ATP8B1: variants seen among roughly 807,000 people sequenced by gnomAD.
The protein encoded by ATP8B1 is phospholipid-transporting ATPase IC.
Under a neutral mutation model 149.9 loss-of-function variants are expected in ATP8B1, and 80 were observed. That is an observed-to-expected ratio of 0.53 (90% CI 0.45 to 0.64). The LOEUF (loss-of-function observed/expected upper bound fraction) is 0.64, where lower values mean the gene tolerates loss of function less well. Ranked by LOEUF, ATP8B1 falls within the 30% of genes least tolerant of loss-of-function variation. ATP8B1 has a pLI of 0.00. For synonymous variants in ATP8B1, 536 were observed against 562.8 expected (o/e 0.95, Z 0.67); for missense variants, 1,247 against 1,552.6 (o/e 0.80, Z 3.31).
intron 1 of ATP8B1, among the ~76,000 whole-genome samples, chr18:57,782,803 CTT>C (rs79009229): frequency 5.5e-5 from 5 of 91,178 alleles, no homozygotes; most frequent in East Asian, 6.2e-4. Flanking sequence ...TAGTTTGTCT[CTT>C]TTTTTTTTTT....
rs1339413480 is a variant in ATP8B1 at position 57,648,681 on chromosome 18, T to TCCG, written c.3560_3562dup (p.Ala1187dup). On this transcript the variant is annotated inframe_insertion, in exon 28 of 28. Transcript: ENST00000648908. ...CTGCTGCCGTCGCTGCCACTGCTCC[T>TCCG]CCGCCTTCAACCGCTTGCGATGCTT... 1.9e-6 allele frequency: 3 copies of TCCG among 1,565,078 alleles called. No individual in the cohort carries two copies. Among genetic ancestry groups the TCCG allele is most frequent in the Non-Finnish European group, 2.6e-6 (3 of 1,155,844 alleles).
Position 57,737,742 on chromosome 18 carries a change from C to A in ATP8B1, c.-25-5910G>T, listed in dbSNP as rs541014524. 6 of 152,270 alleles carry A rather than the reference C, an allele frequency of 3.9e-5. No individual in the cohort carries two copies. The South Asian group carries it at 1.2e-3, about 32-fold the overall frequency. The allele number at this position is 152,270 out of a possible 1,614,324, so 9.4% of individuals were successfully genotyped here. On this transcript the variant is annotated intron_variant, in intron 1 of 27. Transcript: ENST00000648908. ...ACATTTTGTAAGTTATCCTTTTCAT[C>A]ATTGCTTCCAAACTGCCAGGCATCT...
chr18:57,792,168 A>G (rs1375945545), intron 1 of ATP8B1, among the ~76,000 whole-genome samples: 1 of 152,148 alleles, frequency 6.6e-6, no homozygotes, highest in East Asian at 1.9e-4. Context: ...ATGTCAGTCT[A>G]TTTGCAACTA....
At chr18:57,724,145 C>G (rs1340179024) in intron 2 of ATP8B1, among the ~76,000 whole-genome samples, 1 of 150,110 alleles carries the variant, frequency 6.7e-6, no homozygotes, top group African/African-American at 2.5e-5. Context: ...ACCATAAAAA[C>G]CCTAGAAGAA....
chr18:57,762,359 G>A (rs1202007488), intron 1 of ATP8B1, among the ~76,000 whole-genome samples: 2 of 151,940 alleles, frequency 1.3e-5, no homozygotes, highest in Non-Finnish European at 2.9e-5. Flanking sequence ...GGCTGGTCTT[G>A]AACTCCTGAC....
Position 57,761,066 on chromosome 18 carries a change from TA to T in ATP8B1, c.-25-29235del, listed in dbSNP as rs1472849107. On this transcript the variant is annotated intron_variant, in intron 1 of 27. Coordinates refer to ENST00000648908, the MANE Select transcript of ATP8B1 (RefSeq NM_001374385.1). Reference sequence around the variant, plus strand: ...TAAAATAAAATAACATAAAATAACATAAAATAAAATAAATAAAATAAAATAA... The same window carrying T: ...TAAAATAAAATAACATAAAATAACATAAATAAAATAAATAAAATAAAATAA... 7.7e-5 allele frequency among the ~76,000 whole-genome samples: 10 copies of T among 129,034 alleles called. No homozygotes were observed. The South Asian group carries it at 1.4e-3, about 18-fold the overall frequency. 84.7% of individuals were successfully genotyped at this position (129,034 alleles called of 152,430 possible). A position where few individuals can be genotyped will look rare whatever the true frequency, so the allele number is the denominator to read the frequency against.
In ATP8B1 at chr18:57,694,595, T is replaced by G. The variant is rs772340678; in HGVS notation, c.1016A>C (p.Tyr339Ser). 1 of 1,569,370 alleles carries G rather than the reference T, an allele frequency of 6.4e-7. No homozygotes were observed. Among genetic ancestry groups the G allele is most frequent in the African/African-American group, 1.4e-5 (1 of 73,898 alleles). The change falls in exon 11 of 28, where the codon TAC becomes TCC. Residue 339 changes from tyrosine to serine, a missense_variant. Coordinates refer to ENST00000648908, the MANE Select transcript of ATP8B1 (RefSeq NM_001374385.1). Reference protein sequence around the residue: ...KRTKIDYLMNYMVYTIFVVLI... With the variant: ...KRTKIDYLMNSMVYTIFVVLI... ...AAAAATAAATACCGTGTAAACCATG[T>G]AGTTCATCAAGTAATCAATTTTAGT...
intron 5 of ATP8B1, 29 bp downstream of exon 5, chr18:57,701,186 G>A (rs763346500): frequency 3.7e-6 from 6 of 1,612,604 alleles, no homozygotes; most frequent in Non-Finnish European, 4.2e-6. Flanking sequence ...TCAAAGCAAT[G>A]AGTAGAACGT....
intron 2 of ATP8B1, among the ~76,000 whole-genome samples, chr18:57,720,540 T>C (rs2079633509): frequency 7.9e-6 from 1 of 126,688 alleles, no homozygotes; most frequent in Admixed American, 8.8e-5. Context: ...AAGGGAACTT[T>C]AGAGAAAAAA....
At chr18:57,684,720 C>G (rs1296941311) in intron 14 of ATP8B1, among the ~76,000 whole-genome samples, 1 of 152,142 alleles carries the variant, frequency 6.6e-6, no homozygotes, top group African/African-American at 2.4e-5. Context: ...CCTCTGGTAC[C>G]TATGAATGTG....
chr18:57,698,761 G>A (rs1912962462), intron 6 of ATP8B1, among the ~76,000 whole-genome samples: 1 of 152,200 alleles, frequency 6.6e-6, no homozygotes, highest in African/African-American at 2.4e-5. Context: ...ACCACAACTT[G>A]TGTTTACACA....
At chr18:57,692,071 A>G in intron 11 of ATP8B1, 74 bp from the exon 12 acceptor site, 3 of 1,551,276 alleles carry the variant, frequency 1.9e-6, no homozygotes, top group Non-Finnish European at 2.6e-6. Flanking sequence ...GATGCTAATT[A>G]ACCTTACTCA....
At chr18:57,656,591 G>A (rs1910014406) in intron 22 of ATP8B1, among the ~76,000 whole-genome samples, 2 of 152,006 alleles carry the variant, frequency 1.3e-5, no homozygotes, top group Admixed American at 6.6e-5. Flanking sequence ...TGTCCAGGCA[G>A]GCCTTGAACT....
intron 13 of ATP8B1, among the ~76,000 whole-genome samples, chr18:57,686,109 A>AC (rs1599114978): frequency 2.6e-5 from 4 of 151,594 alleles, no homozygotes; most frequent in South Asian, 2.1e-4. Context: ...AACAACAACA[A>AC]AAATTAGCCA....
intron 1 of ATP8B1, among the ~76,000 whole-genome samples, chr18:57,797,535 C>A (rs2080526487): frequency 6.6e-6 from 1 of 152,020 alleles, no homozygotes; most frequent in Non-Finnish European, 1.5e-5. Flanking sequence ...CATTTGTCAC[C>A]TATTAAATGC....
intron 27 of ATP8B1, 143 bp downstream of exon 27, chr18:57,650,224 A>T: frequency 9.4e-7 from 1 of 1,059,980 alleles, no homozygotes; most frequent in Non-Finnish European, 1.4e-6. Flanking sequence ...CTTATTTGTG[A>T]GATAGAGTTA....
At chr18:57,717,547 C>CAAA (rs1163024544) in intron 2 of ATP8B1, among the ~76,000 whole-genome samples, 5 of 19,928 alleles carry the variant, frequency 2.5e-4, no homozygotes, top group Non-Finnish European at 2.6e-4. Context: ...GACTCTGTCT[C>CAAA]AAAAAAAAAA....
chr18:57,684,312 G>T, intron 14 of ATP8B1, 120 bp from the exon 15 acceptor site: 1 of 1,101,020 alleles, frequency 9.1e-7, no homozygotes, highest in South Asian at 1.4e-5. Flanking sequence ...TAGGATTTTA[G>T]CACATTCTTA....
At chr18:57,797,996 G>C (rs532910511) in intron 1 of ATP8B1, among the ~76,000 whole-genome samples, 1 of 152,170 alleles carries the variant, frequency 6.6e-6, no homozygotes, top group Non-Finnish European at 1.5e-5. Context: ...GAGCCACCAC[G>C]CCAGGCCTCT....
Sources: allele counts gnomAD v4.1 joint callset (sites outside exome capture counted in the v4.1 genomes callset), GRCh38; gene constraint gnomAD v4.1.1; transcripts MANE v1.5; gene names NCBI Gene and HGNC (gene_info 2026-07-23, HGNC 2026-07-21).